The following CLSTN2 variants were observed in gnomAD, a reference collection of about 807,000 sequenced individuals.
The protein encoded by CLSTN2 is calsyntenin-2.
A neutral mutation model predicts 101.2 loss-of-function variants in CLSTN2; 48 were observed. That is an observed-to-expected ratio of 0.47 (90% CI 0.38 to 0.60). The LOEUF (loss-of-function observed/expected upper bound fraction) is 0.60, where lower values mean the gene tolerates loss of function less well. Among genes scored for constraint, CLSTN2 ranks in the 20% least tolerant of loss-of-function variants. CLSTN2 has a pLI of 0.00. For synonymous variants in CLSTN2, 481 were observed against 463.6 expected (o/e 1.04, Z -0.48); for missense variants, 1,160 against 1,238.2 (o/e 0.94, Z 0.95).
intron 4 of CLSTN2, among the ~76,000 whole-genome samples, chr3:140,418,136 T>G (rs1481276189): frequency 3.3e-5 from 5 of 152,198 alleles, no homozygotes; most frequent in Admixed American, 3.3e-4. Context: ...TTAATTTTTT[T>G]TTTCAAAATT....
chr3:140,104,910 G>A (rs146360538), intron 1 of CLSTN2, among the ~76,000 whole-genome samples: 17 of 152,328 alleles, frequency 1.1e-4, no homozygotes, highest in Non-Finnish European at 2.1e-4. Context: ...CTTCAGAGGC[G>A]GAGGTTGCAG....
At chr3:140,234,046 G>A (rs969009019) in intron 2 of CLSTN2, among the ~76,000 whole-genome samples, 1 of 152,194 alleles carries the variant, frequency 6.6e-6, no homozygotes, top group Non-Finnish European at 1.5e-5. Context: ...ACAAAAAATA[G>A]GTTGCTGATA....
chr3:140,419,581 ACG>A (rs1469391057), intron 4 of CLSTN2, among the ~76,000 whole-genome samples: 3 of 61,066 alleles, frequency 4.9e-5, no homozygotes, highest in Non-Finnish European at 7.8e-5. Context: ...ATACATATAT[ACG>A]TGTACGTATA....
At chr3:140,384,450 G>T (rs185986279) in intron 2 of CLSTN2, among the ~76,000 whole-genome samples, 1 of 152,130 alleles carries the variant, frequency 6.6e-6, no homozygotes, top group East Asian at 1.9e-4. Context: ...CTTCTGTGGG[G>T]GTTGTCAGCA....
chr3:140,008,866 G>A (rs1181075503), intron 1 of CLSTN2, among the ~76,000 whole-genome samples: 2 of 152,164 alleles, frequency 1.3e-5, no homozygotes, highest in African/African-American at 4.8e-5. Context: ...ACACATCAGA[G>A]AAACATGGAT....
intron 7 of CLSTN2, among the ~76,000 whole-genome samples, chr3:140,461,679 TA>T (rs1462759458): frequency 6.6e-6 from 1 of 151,670 alleles, no homozygotes; most frequent in Non-Finnish European, 1.5e-5. Context: ...GTGTAGATGC[TA>T]GAGCCCCACC....
intron 1 of CLSTN2, among the ~76,000 whole-genome samples, chr3:139,960,253 T>G (rs1935484212): frequency 6.6e-6 from 1 of 152,220 alleles, no homozygotes; most frequent in Non-Finnish European, 1.5e-5. Context: ...TCCTGTGAGG[T>G]GAGCCAGCTC....
Position 140,132,072 on chromosome 3 carries a change from T to C in CLSTN2, c.110-43879T>C, listed in dbSNP as rs138676708. On this transcript the variant is annotated intron_variant, in intron 1 of 16. Coordinates refer to ENST00000458420, the MANE Select transcript of CLSTN2 (RefSeq NM_022131.3). The stretch of plus-strand genomic sequence containing the variant: ...ATGAATTAGGATTCAGTCTGGCAAT[T>C]ACATTAAGGTTTCTGATAGATAGCT... Among the ~76,000 whole-genome samples, 4 of 152,308 alleles carry C rather than the reference T, an allele frequency of 2.6e-5. No individual in the cohort carries two copies. The East Asian group carries it at 7.7e-4, about 29-fold the overall frequency.
At chr3:140,208,458 A>C (rs1056839908) in intron 2 of CLSTN2, among the ~76,000 whole-genome samples, 2 of 152,192 alleles carry the variant, frequency 1.3e-5, no homozygotes, top group African/African-American at 4.8e-5. Context: ...TGTTTATTTT[A>C]GGCAAGGGGA....
intron 1 of CLSTN2, among the ~76,000 whole-genome samples, chr3:140,111,829 A>G (rs970543486): frequency 6.6e-6 from 1 of 152,166 alleles, no homozygotes; most frequent in Non-Finnish European, 1.5e-5. Flanking sequence ...TGTGATAAGG[A>G]CTTCATATGC....
At chr3:139,999,407 C>T (rs1479003015) in intron 1 of CLSTN2, among the ~76,000 whole-genome samples, 1 of 152,084 alleles carries the variant, frequency 6.6e-6, no homozygotes, top group Non-Finnish European at 1.5e-5. Flanking sequence ...GTTTTCTAAT[C>T]CTGACTTCTG....
intron 1 of CLSTN2, among the ~76,000 whole-genome samples, chr3:139,974,648 T>C (rs1036094452): frequency 4.6e-5 from 7 of 152,246 alleles, no homozygotes; most frequent in African/African-American, 1.7e-4. Context: ...TTTAACTAAT[T>C]CATCAGTCCA....
intron 1 of CLSTN2, among the ~76,000 whole-genome samples, chr3:139,981,658 C>G (rs1428325120): frequency 6.6e-6 from 1 of 152,142 alleles, no homozygotes; most frequent in Non-Finnish European, 1.5e-5. Flanking sequence ...AAACTGTGTC[C>G]CTGCATTTGC....
chr3:140,172,457 GT>G (rs2010254282), intron 1 of CLSTN2, among the ~76,000 whole-genome samples: 1 of 152,090 alleles, frequency 6.6e-6, no homozygotes, highest in African/African-American at 2.4e-5. Context: ...CAAGAACTGG[GT>G]TCTCACCAGA....
chr3:140,135,546 G>A (rs1278034307), intron 1 of CLSTN2, among the ~76,000 whole-genome samples: 1 of 152,176 alleles, frequency 6.6e-6, no homozygotes, highest in Admixed American at 6.6e-5. Flanking sequence ...TTCTAGGAAT[G>A]TCAAGGAAAA....
chr3:140,071,168 C>G (rs2008385298), intron 1 of CLSTN2, among the ~76,000 whole-genome samples: 1 of 151,974 alleles, frequency 6.6e-6, no homozygotes, highest in Admixed American at 6.6e-5. Context: ...GTTAACTTGA[C>G]ATTTCAAATG....
chr3:140,434,241 C>T (rs1230646125), intron 5 of CLSTN2, among the ~76,000 whole-genome samples: 1 of 152,266 alleles, frequency 6.6e-6, no homozygotes, highest in East Asian at 1.9e-4. Flanking sequence ...TGGAGAGCCA[C>T]GAGCTGGCCG....
At chr3:140,525,979 A>C (rs1226773251) in intron 8 of CLSTN2, among the ~76,000 whole-genome samples, 1 of 152,172 alleles carries the variant, frequency 6.6e-6, no homozygotes, top group Non-Finnish European at 1.5e-5. Context: ...TAAATGGAGA[A>C]AAGCCCAAGA....
At chr3:140,166,751 T>G (rs1396612906) in intron 1 of CLSTN2, among the ~76,000 whole-genome samples, 1 of 152,144 alleles carries the variant, frequency 6.6e-6, no homozygotes, top group Admixed American at 6.5e-5. Flanking sequence ...TTCCTCTGCA[T>G]GAGTGCAAAG....
Sources: allele counts gnomAD v4.1 joint callset (sites outside exome capture counted in the v4.1 genomes callset), GRCh38; gene constraint gnomAD v4.1.1; transcripts MANE v1.5; gene names NCBI Gene and HGNC (gene_info 2026-07-23, HGNC 2026-07-21).